Variants in CCND3 observed in about 807,000 individuals in gnomAD.
CCND3 encodes the protein cyclin D3.
Under a neutral mutation model 28.7 loss-of-function variants are expected in CCND3, and 9 were observed. That is an observed-to-expected ratio of 0.31 (90% CI 0.19 to 0.55). The LOEUF (loss-of-function observed/expected upper bound fraction) is 0.55, where lower values mean the gene tolerates loss of function less well. CCND3 is among the 20% of genes least tolerant of loss of function. CCND3 has a pLI of 0.93. For missense variants in CCND3, 315 were observed against 385.8 expected (o/e 0.82, Z 1.54); for synonymous variants, 164 against 163.9 (o/e 1.00, Z 0.00).
intron 1 of CCND3, among the ~76,000 whole-genome samples, chr6:42,002,276 T>C (rs1010786917): frequency 6.6e-6 from 1 of 151,428 alleles, no homozygotes; most frequent in African/African-American, 2.4e-5. Context: ...TAAAATCCTA[T>C]CTCTACTGAA....
chr6:42,034,348 A>G (rs1366182996), intron 1 of CCND3, among the ~76,000 whole-genome samples: 1 of 150,364 alleles, frequency 6.7e-6, no homozygotes, highest in Non-Finnish European at 1.5e-5. Flanking sequence ...GGGTTTCGCC[A>G]TGTTGGCCAG....
In CCND3 at chr6:42,002,444, A is replaced by AG. The variant is rs200542950; in HGVS notation, c.-46+46056_-46+46057insC. 5.4e-3 allele frequency among the ~76,000 whole-genome samples: 811 copies of AG among 151,494 alleles called. 17 individuals are homozygous for AG. Among genetic ancestry groups the AG allele is most frequent in the Admixed American group, 0.034 (515 of 15,156 alleles). On this transcript the variant is annotated intron_variant, in intron 1 of 4. Coordinates refer to the CCND3 transcript ENST00000372988. ...AACAGAACAAGACTCCATCTCAAAA[A>AG]AAAAAAAAACTATGTATTTATTTTA... is the stretch of plus-strand genomic sequence containing the variant.
At chr6:42,001,378 TAAAC>T (rs1763006482) in intron 1 of CCND3, among the ~76,000 whole-genome samples, 4 of 151,594 alleles carry the variant, frequency 2.6e-5, no homozygotes, top group Admixed American at 2.6e-4. Context: ...AGAGAATGGA[TAAAC>T]AAATAGTGCA....
At chr6:42,013,439 G>C (rs1763398170) in intron 1 of CCND3, among the ~76,000 whole-genome samples, 1 of 152,128 alleles carries the variant, frequency 6.6e-6, no homozygotes, top group South Asian at 2.1e-4. Flanking sequence ...AGGAGGGCAG[G>C]GTTGTTGGCT....
chr6:41,951,559 CA>C (rs1776313554), intron 1 of CCND3, among the ~76,000 whole-genome samples: 2 of 73,906 alleles, frequency 2.7e-5, no homozygotes, highest in Non-Finnish European at 5.8e-5. Flanking sequence ...CACACACACA[CA>C]CACACACACA....
At chr6:41,974,867 A>C (rs1762131314) in intron 1 of CCND3, among the ~76,000 whole-genome samples, 1 of 137,766 alleles carries the variant, frequency 7.3e-6, no homozygotes, top group Admixed American at 8.4e-5. Flanking sequence ...ATCTTGGCTC[A>C]CTGCAACCTC....
rs374156921 is a variant in CCND3 at position 41,995,339 on chromosome 6, C to A, written c.-46+53162G>T. Among the ~76,000 whole-genome samples, 15 of 152,008 alleles carry A rather than the reference C, an allele frequency of 9.9e-5. No homozygotes were observed. In the East Asian group the frequency reaches 1.2e-3, roughly 12 times the overall value. On this transcript the variant is annotated intron_variant, in intron 1 of 4. Transcript: ENST00000372988. The stretch of plus-strand genomic sequence containing the variant: ...GTGGTGCGATCTCAGCGCGCTGCCA[C>A]CTCCACCTCCAGGGTTCAAGCAATT...
intron 1 of CCND3, among the ~76,000 whole-genome samples, chr6:42,035,831 C>T (rs1392461729): frequency 6.6e-6 from 1 of 151,806 alleles, no homozygotes; most frequent in African/African-American, 2.4e-5. Flanking sequence ...ACACCCGCCA[C>T]AACGCCTGGC....
At chr6:42,047,679 G>A (rs1764586379) in intron 1 of CCND3, among the ~76,000 whole-genome samples, 1 of 152,208 alleles carries the variant, frequency 6.6e-6, no homozygotes, top group Non-Finnish European at 1.5e-5. Flanking sequence ...TGGTTAGACA[G>A]TGGATTAAAG....
At chr6:41,950,498 T>C (rs1285102737) in intron 1 of CCND3, among the ~76,000 whole-genome samples, 1 of 152,054 alleles carries the variant, frequency 6.6e-6, no homozygotes, top group Non-Finnish European at 1.5e-5. Flanking sequence ...AAAAGGAGGA[T>C]GGTAACAACT....
chr6:41,951,479 G>A (rs758517653), intron 1 of CCND3, among the ~76,000 whole-genome samples: 11 of 148,838 alleles, frequency 7.4e-5, no homozygotes, highest in Non-Finnish European at 1.5e-4. Flanking sequence ...GGAGAATGGC[G>A]TGAACCCGGG....
chr6:41,985,920 C>T (rs141521552), intron 1 of CCND3, among the ~76,000 whole-genome samples: 35,222 of 113,270 alleles, frequency 0.31, 5,736 homozygotes, highest in Middle Eastern at 0.42. Context: ...TGAGCCACCG[C>T]GCCCGGCCCA....
chr6:41,957,387 C>A (rs867218517), intron 1 of CCND3, among the ~76,000 whole-genome samples: 2 of 152,208 alleles, frequency 1.3e-5, no homozygotes, highest in Non-Finnish European at 2.9e-5. Context: ...TCAGCCCTAG[C>A]ACTCCAGCCC....
At position 42,048,860 on chromosome 6, in the gene CCND3, C is replaced by A. The variant is rs866838572; in HGVS notation, c.-405G>T. The A allele has an allele frequency of 2.6e-5, 8 of 312,272 alleles. No homozygotes were observed. Among genetic ancestry groups the A allele is most frequent in the Middle Eastern group, 2.0e-3 (2 of 988 alleles). The allele number at this position is 312,272 out of a possible 1,614,324, so 19.3% of individuals were successfully genotyped here. A position where few individuals can be genotyped will look rare whatever the true frequency, so the allele number is the denominator to read the frequency against. On this transcript the variant is annotated 5_prime_UTR_variant, in exon 1 of 5. Coordinates refer to the CCND3 transcript ENST00000372988. The surrounding 1 kb of genome is among the most constrained non-coding windows in gnomAD (Gnocchi z 4.7). Reference sequence around the variant, plus strand: ...AGGAGGCTCATCCGGCGCCGCGCACCCCCGCCCGCAGCCCCCGCCCCACGC... The same window carrying A: ...AGGAGGCTCATCCGGCGCCGCGCACACCCGCCCGCAGCCCCCGCCCCACGC...
chr6:41,953,755 G>A (rs1776371537), intron 1 of CCND3, among the ~76,000 whole-genome samples: 1 of 152,008 alleles, frequency 6.6e-6, no homozygotes, highest in African/African-American at 2.4e-5. Context: ...AAGTGGTTTA[G>A]GAATGGGCAC....
At chr6:42,020,951 C>T (rs1228073234) in intron 1 of CCND3, among the ~76,000 whole-genome samples, 1 of 152,188 alleles carries the variant, frequency 6.6e-6, no homozygotes, top group Non-Finnish European at 1.5e-5. Flanking sequence ...AGGGTTTCTC[C>T]ATGTTGGCCA....
chr6:42,042,364 G>GT (rs34181861), intron 1 of CCND3, among the ~76,000 whole-genome samples: 48,848 of 144,436 alleles, frequency 0.34, 8,465 homozygotes, highest in African/African-American at 0.41. Flanking sequence ...TCGGAAGTGG[G>GT]TTTTTTTTTT....
chr6:42,029,128 C>A (rs543696802), intron 1 of CCND3, among the ~76,000 whole-genome samples: 1 of 151,652 alleles, frequency 6.6e-6, no homozygotes, highest in South Asian at 2.1e-4. Flanking sequence ...AAGCAGGCAC[C>A]ACCAGCTATT....
chr6:42,002,483 C>A (rs1185220021), intron 1 of CCND3, among the ~76,000 whole-genome samples: 2 of 149,938 alleles, frequency 1.3e-5, no homozygotes, highest in African/African-American at 4.9e-5. Flanking sequence ...TATGTACATT[C>A]AATAAAGAAA....
Sources: gnomAD v4.1 joint callset for allele counts (sites outside exome capture counted in the v4.1 genomes callset) on GRCh38, gnomAD v4.1.1 for gene constraint, Gnocchi (gnomAD v3.1) non-coding constraint, MANE v1.5 for transcripts, NCBI Gene and HGNC (gene_info 2026-07-23, HGNC 2026-07-21) for gene names.